Variants in PLEKHO2 observed in about 807,000 individuals in gnomAD.
PLEKHO2 encodes pleckstrin homology domain-containing family O member 2.
PLEKHO2 carries 20 observed loss-of-function variants against 32.7 expected under a neutral mutation model. The ratio of observed to expected loss-of-function variants is 0.61; its 90% CI spans 0.43 to 0.89. The LOEUF (loss-of-function observed/expected upper bound fraction) is 0.89, where lower values mean the gene tolerates loss of function less well. Among genes scored for constraint, PLEKHO2 ranks in the 40% least tolerant of loss-of-function variants. The pLI is 0.00. For missense variants in PLEKHO2, 568 were observed against 621.2 expected, an observed-to-expected ratio of 0.91 and a Z score of 0.91; for synonymous variants, 247 against 246.3, an observed-to-expected ratio of 1.00 and a Z score of -0.03.
chr15:64,848,831 G>A, intron 2 of PLEKHO2, 89 bp downstream of exon 2: 2 of 1,536,572 alleles, frequency 1.3e-6, no homozygotes, highest in South Asian at 2.3e-5. Flanking sequence ...CTGGGTCTGG[G>A]GCCAGAAGAC....
intron 5 of PLEKHO2, among the ~76,000 whole-genome samples, chr15:64,862,317 C>T (rs747446681): frequency 3.3e-5 from 5 of 151,730 alleles, no homozygotes; most frequent in South Asian, 4.2e-4. Flanking sequence ...TTTCCAGGCC[C>T]CTGGAGGGGA....
At chr15:64,847,065 G>T (rs1237523777) in intron 1 of PLEKHO2, among the ~76,000 whole-genome samples, 1 of 152,238 alleles carries the variant, frequency 6.6e-6, no homozygotes, top group Non-Finnish European at 1.5e-5. Context: ...GCTCAGAGAG[G>T]TTAAGTGGTT....
chr15:64,858,089 G>A (rs1349017001), intron 3 of PLEKHO2, among the ~76,000 whole-genome samples: 1 of 152,216 alleles, frequency 6.6e-6, no homozygotes, highest in African/African-American at 2.4e-5. Context: ...TGGCCTTAGC[G>A]ACCCCAGATG....
intron 2 of PLEKHO2, 114 bp from the exon 3 acceptor site, chr15:64,854,807 C>A: frequency 1.3e-6 from 1 of 795,354 alleles, no homozygotes; most frequent in Non-Finnish European, 2.1e-6. Flanking sequence ...GAGGTCCTCC[C>A]TCTAACCAAG....
intron 3 of PLEKHO2, among the ~76,000 whole-genome samples, chr15:64,856,254 T>C (rs1319841680): frequency 6.6e-6 from 1 of 152,080 alleles, no homozygotes; most frequent in Non-Finnish European, 1.5e-5. Context: ...ACTGTATATG[T>C]GGATGTGTGT....
At position 64,848,666 on chromosome 15, in the gene PLEKHO2, G is replaced by T; in HGVS notation, c.86G>T (p.Ser29Ile). The T allele has an allele frequency of 6.2e-7, 1 of 1,614,202 alleles. No individual in the cohort carries two copies. The highest frequency in any genetic ancestry group is 8.5e-7 in the Non-Finnish European group (1 of 1,180,042). Residue 29 changes from serine to isoleucine, a missense_variant, in exon 2 of 6, where the codon AGT becomes ATT. Physicochemically the swap from Ser to Ile is moderately radical, Grantham distance 142. Transcript: ENST00000323544. The stretch of plus-strand genomic sequence containing the variant: ...AAGGCTGGCTGGATCAAGAAGAGCA[G>T]TGGGGGCCTCCTGGGTTTCTGGAAA... ...VDKAGWIKKSSGGLLGFWKDR... is the reference protein window; with the variant it reads ...VDKAGWIKKSIGGLLGFWKDR...
chr15:64,863,302 AG>A (rs1312534412), intron 5 of PLEKHO2, among the ~76,000 whole-genome samples: 1 of 151,934 alleles, frequency 6.6e-6, no homozygotes, highest in East Asian at 1.9e-4. Context: ...GGTTTGCCGG[AG>A]GGAGGGACCC....
intron 1 of PLEKHO2, among the ~76,000 whole-genome samples, chr15:64,844,267 C>G (rs1013331022): frequency 6.6e-6 from 1 of 152,210 alleles, no homozygotes; most frequent in African/African-American, 2.4e-5. Flanking sequence ...CTCTATGCAA[C>G]GGGCAGGCTG....
chr15:64,850,536 G>T (rs1374966363), intron 2 of PLEKHO2, among the ~76,000 whole-genome samples: 1 of 152,184 alleles, frequency 6.6e-6, no homozygotes, highest in Admixed American at 6.5e-5. Flanking sequence ...CTGCAGAGTG[G>T]GTTCTCTAGA....
chr15:64,862,970 C>T (rs1341487104), intron 5 of PLEKHO2, among the ~76,000 whole-genome samples: 2 of 136,532 alleles, frequency 1.5e-5, no homozygotes, highest in Non-Finnish European at 1.5e-5. Flanking sequence ...GATTGAGTCT[C>T]GCTCTGTCGC....
At chr15:64,854,094 T>C (rs1395915926) in intron 2 of PLEKHO2, among the ~76,000 whole-genome samples, 1 of 152,210 alleles carries the variant, frequency 6.6e-6, no homozygotes, top group Non-Finnish European at 1.5e-5. Flanking sequence ...GAGGACCAGT[T>C]GACCACCACT....
chr15:64,859,826 C>A, intron 3 of PLEKHO2, 68 bp from the exon 4 acceptor site: 2 of 1,353,630 alleles, frequency 1.5e-6, no homozygotes, highest in South Asian at 1.2e-5. Flanking sequence ...GGTAAGGAAG[C>A]CTCCTTAAGA....
chr15:64,847,438 C>G (rs934690359), intron 1 of PLEKHO2, among the ~76,000 whole-genome samples: 1 of 152,188 alleles, frequency 6.6e-6, no homozygotes, highest in Non-Finnish European at 1.5e-5. Flanking sequence ...CTTCACCCCC[C>G]ACTTCACACT....
intron 3 of PLEKHO2, among the ~76,000 whole-genome samples, chr15:64,856,710 C>T (rs7178660): frequency 0.012 from 1,866 of 152,258 alleles, 45 homozygotes; most frequent in African/African-American, 0.043. Context: ...GTGGGTGCTG[C>T]GGATGAAACA....
At chr15:64,845,258 C>CT (rs1432452640) in intron 1 of PLEKHO2, among the ~76,000 whole-genome samples, 1 of 140,592 alleles carries the variant, frequency 7.1e-6, no homozygotes, top group East Asian at 2.2e-4. Flanking sequence ...GGGAGGCAGG[C>CT]TGGTGCCTAG....
intron 5 of PLEKHO2, among the ~76,000 whole-genome samples, chr15:64,863,539 G>A (rs867577851): frequency 6.6e-6 from 1 of 151,778 alleles, no homozygotes; most frequent in Non-Finnish European, 1.5e-5. Flanking sequence ...GTGTGTGTGT[G>A]TGTGTGTGTG....
rs2084512815 is a variant in PLEKHO2, at chr15:64,845,040, A to C, written c.12+3012A>C. Among the ~76,000 whole-genome samples, 3 of 152,258 alleles carry C rather than the reference A, an allele frequency of 2.0e-5. No individual in the cohort carries two copies. The South Asian group carries it at 6.2e-4, about 32-fold the overall frequency. ...CCGGCACAGGACTCTGACACGGTGG[A>C]TTCTTAGTAGAGTTGGGTCAGAACA... On this transcript the variant is annotated intron_variant, in intron 1 of 5. Transcript: ENST00000323544.
intron 3 of PLEKHO2, among the ~76,000 whole-genome samples, chr15:64,856,759 C>T (rs759950788): frequency 6.6e-6 from 1 of 152,132 alleles, no homozygotes; most frequent in African/African-American, 2.4e-5. Flanking sequence ...CTGACCCTCC[C>T]CACCCCAGGA....
At chr15:64,862,029 G>T (rs1172915448) in intron 5 of PLEKHO2, among the ~76,000 whole-genome samples, 1 of 152,128 alleles carries the variant, frequency 6.6e-6, no homozygotes. Context: ...GGATGGGAGG[G>T]GTTCACTTGG....
Sources: gnomAD v4.1 joint callset for allele counts (sites outside exome capture counted in the v4.1 genomes callset) on GRCh38, gnomAD v4.1.1 for gene constraint, MANE v1.5 for transcripts, NCBI Gene and HGNC (gene_info 2026-07-23, HGNC 2026-07-21) for gene names.